The following PTPRG variants were observed in gnomAD, a reference collection of about 807,000 sequenced individuals.
PTPRG encodes protein tyrosine phosphatase receptor type G.
In PTPRG, 102 loss-of-function variants were observed where a neutral mutation model predicts 165.3. That is an observed-to-expected ratio of 0.62 (90% confidence interval 0.53 to 0.73). The LOEUF (loss-of-function observed/expected upper bound fraction) is 0.73, where lower values mean the gene tolerates loss of function less well. Among genes scored for constraint, PTPRG ranks in the 30% least tolerant of loss-of-function variants. The pLI is 0.00. For synonymous variants in PTPRG, 675 were observed against 669.5 expected (o/e 1.01, Z -0.13); for missense variants, 1,866 against 1,861.4 (o/e 1.00, Z -0.05).
chr3:62,191,328 T>G (rs1279428085), intron 8 of PTPRG, 141 bp from the exon 9 acceptor site: 2 of 657,462 alleles, frequency 3.0e-6, no homozygotes, highest in South Asian at 2.0e-5. Flanking sequence ...ACACACACAA[T>G]GTTAAGAGGA....
intron 2 of PTPRG, among the ~76,000 whole-genome samples, chr3:61,887,272 A>G (rs138480127): frequency 7.5e-4 from 114 of 151,140 alleles, no homozygotes; most frequent in Non-Finnish European, 1.3e-3. Flanking sequence ...ACAGGACGAT[A>G]CTCTGCTGTG....
chr3:61,977,865 A>T (rs2040544839), intron 2 of PTPRG, among the ~76,000 whole-genome samples: 1 of 152,208 alleles, frequency 6.6e-6, no homozygotes, highest in African/African-American at 2.4e-5. Context: ...AAATGGTGTA[A>T]CATAATGCAT....
intron 1 of PTPRG, among the ~76,000 whole-genome samples, chr3:61,704,701 C>G (rs530657640): frequency 5.9e-5 from 9 of 151,752 alleles, no homozygotes; most frequent in Non-Finnish European, 1.3e-4. Flanking sequence ...AGCCATAATT[C>G]CCTGCCTAGT....
chr3:62,193,811 C>T (rs903804002), intron 9 of PTPRG, among the ~76,000 whole-genome samples: 1 of 152,212 alleles, frequency 6.6e-6, no homozygotes. Context: ...CACTCCCAAT[C>T]GGTGGCTAAG....
chr3:62,183,159 T>C (rs142953771), intron 8 of PTPRG, among the ~76,000 whole-genome samples: 15 of 152,324 alleles, frequency 9.8e-5, no homozygotes, highest in African/African-American at 3.4e-4. Context: ...AGGGTAATGA[T>C]AGAGCCAGCA....
chr3:61,618,807 T>C (rs1195259601), intron 1 of PTPRG, among the ~76,000 whole-genome samples: 1 of 151,928 alleles, frequency 6.6e-6, no homozygotes, highest in East Asian at 1.9e-4. Flanking sequence ...TCATTGTTAT[T>C]ATAAAGAGTA....
chr3:61,990,524 A>T (rs1261067064), intron 3 of PTPRG, among the ~76,000 whole-genome samples: 1 of 152,140 alleles, frequency 6.6e-6, no homozygotes, highest in African/African-American at 2.4e-5. Flanking sequence ...CCTCTCAATT[A>T]CTGTTGTGCA....
chr3:61,991,421 G>A (rs2040886761), intron 3 of PTPRG, among the ~76,000 whole-genome samples: 1 of 152,060 alleles, frequency 6.6e-6, no homozygotes, highest in African/African-American at 2.4e-5. Context: ...GGCCTGACTG[G>A]TCTCGAACTC....
chr3:62,004,608 C>A (rs939378825), intron 4 of PTPRG, among the ~76,000 whole-genome samples: 2 of 152,188 alleles, frequency 1.3e-5, no homozygotes, highest in African/African-American at 2.4e-5. Context: ...TCTCTTCTCT[C>A]GACTGCAGCA....
Position 61,678,120 on chromosome 3 carries a change from T to C in PTPRG, c.86-70758T>C, listed in dbSNP as rs555977789. ...GGGGCTGTGGCTGGGATCATCCAGC[T>C]CAGCTCGTGCTGTTTCCAGTCTCAT... On this transcript the variant is annotated intron_variant, in intron 1 of 29. Transcript: ENST00000474889. 1.4e-4 allele frequency among the ~76,000 whole-genome samples: 22 copies of C among 152,242 alleles called. No individual in the cohort carries two copies. In the South Asian group the frequency reaches 4.6e-3, roughly 32 times the overall value.
intron 1 of PTPRG, among the ~76,000 whole-genome samples, chr3:61,707,488 A>G (rs1395537766): frequency 6.6e-6 from 1 of 152,154 alleles, no homozygotes; most frequent in African/African-American, 2.4e-5. Context: ...CAAAGGCAAG[A>G]AACAAATGTG....
chr3:62,003,438 C>A lies in PTPRG; in HGVS notation c.460C>A (p.His154Asn). The change falls in exon 4 of 30, where the codon CAC becomes AAC. Residue 154 changes from histidine to asparagine, a missense_variant. Physicochemically the swap from His to Asn is moderately conservative, Grantham distance 68 (BLOSUM62 1). Transcript: ENST00000474889. ...TGAGAAGGTGGAATTTCACTGGGGC[C>A]ACAGCAATGGCTCAGCGGGCTCTGA... The part of the protein sequence containing the change: ...KAEKVEFHWG[H>N]SNGSAGSEHS... The A allele has an allele frequency of 5.6e-6, 9 of 1,614,040 alleles. No individual in the cohort carries two copies. The highest frequency in any genetic ancestry group is 7.6e-6 in the Non-Finnish European group (9 of 1,179,958).
chr3:61,692,092 A>C (rs1417122740), intron 1 of PTPRG, among the ~76,000 whole-genome samples: 1 of 152,240 alleles, frequency 6.6e-6, no homozygotes, highest in Non-Finnish European at 1.5e-5. Context: ...ATACATAATG[A>C]ATTTTCTTCT....
intron 3 of PTPRG, among the ~76,000 whole-genome samples, chr3:62,000,311 A>G (rs2041142994): frequency 6.6e-6 from 1 of 151,240 alleles, no homozygotes; most frequent in Non-Finnish European, 1.5e-5. Flanking sequence ...GTCCTTACCA[A>G]TTTGATAGAC....
chr3:62,034,347 G>C (rs1419157833), intron 4 of PTPRG, among the ~76,000 whole-genome samples: 2 of 152,202 alleles, frequency 1.3e-5, no homozygotes, highest in Non-Finnish European at 2.9e-5. Context: ...TGCGGTGTTG[G>C]TATTATTTTC....
intron 1 of PTPRG, among the ~76,000 whole-genome samples, chr3:61,608,418 G>A (rs565331651): frequency 6.6e-6 from 1 of 152,316 alleles, no homozygotes; most frequent in East Asian, 1.9e-4. Flanking sequence ...TTGGGAGGAT[G>A]TGTGTGCTGG....
At chr3:62,081,147 C>G (rs1297130957) in intron 5 of PTPRG, among the ~76,000 whole-genome samples, 1 of 151,742 alleles carries the variant, frequency 6.6e-6, no homozygotes, top group Admixed American at 6.6e-5. Flanking sequence ...GTCCCAGCTA[C>G]TCGGGAGGCT....
At chr3:62,221,402 T>C (rs1047538120) in intron 13 of PTPRG, among the ~76,000 whole-genome samples, 2 of 152,156 alleles carry the variant, frequency 1.3e-5, no homozygotes, top group African/African-American at 2.4e-5. Flanking sequence ...TAAAATTAAA[T>C]TAGTGTTAGG....
At chr3:61,754,816 G>A (rs1257582542) in intron 2 of PTPRG, among the ~76,000 whole-genome samples, 2 of 152,054 alleles carry the variant, frequency 1.3e-5, no homozygotes, top group African/African-American at 2.4e-5. Flanking sequence ...CAAAATATAC[G>A]TGCCTGCAGA....
Sources: gnomAD v4.1 joint callset for allele counts (sites outside exome capture counted in the v4.1 genomes callset) on GRCh38, gnomAD v4.1.1 for gene constraint, MANE v1.5 for transcripts, NCBI Gene and HGNC (gene_info 2026-07-23, HGNC 2026-07-21) for gene names.